The following EYS variants were observed in gnomAD, a reference collection of about 807,000 sequenced individuals.
EYS encodes the protein EGF-like photoreceptor maintenance factor.
Under a neutral mutation model 282.1 loss-of-function variants are expected in EYS, and 250 were observed. The observed-to-expected ratio is 0.89, with a 90% CI of 0.80 to 0.98. The LOEUF (loss-of-function observed/expected upper bound fraction) is 0.98. Ranked by LOEUF, EYS falls within the 50% of genes least tolerant of loss-of-function variation. EYS has a pLI of 0.00. For missense variants in EYS, 4,016 were observed against 3,709.0 expected, an observed-to-expected ratio of 1.08 and a Z score of -2.15; for synonymous variants, 1,355 against 1,282.9, an observed-to-expected ratio of 1.06 and a Z score of -1.20.
chr6:64,740,859 G>A (rs548521138), intron 22 of EYS, among the ~76,000 whole-genome samples: 31 of 151,996 alleles, frequency 2.0e-4, no homozygotes, highest in African/African-American at 5.5e-4. Context: ...GACTACAGGC[G>A]CCAGCCACCA....
At chr6:65,026,268 T>C (rs1772405395) in intron 13 of EYS, among the ~76,000 whole-genome samples, 1 of 152,234 alleles carries the variant, frequency 6.6e-6, no homozygotes, top group South Asian at 2.1e-4. Flanking sequence ...CTCTAAATAC[T>C]GTAGGCTGGA....
Position 64,998,120 on chromosome 6 carries a change from T to C in EYS, c.2138-417A>G, listed in dbSNP as rs145943399. Among the ~76,000 whole-genome samples, 363 of 152,358 alleles carry C rather than the reference T, an allele frequency of 2.4e-3. 9 individuals carry two copies. In the East Asian group the frequency reaches 0.062, roughly 26 times the overall value. ...TAACTGTTCAGTTGTTAAAGTTCTA[T>C]GTATGACAGAATATATTAAAGTGCA... On this transcript the variant is annotated intron_variant, in intron 13 of 42. Transcript: ENST00000503581.
At chr6:64,168,601 G>A (rs1764376737) in intron 31 of EYS, among the ~76,000 whole-genome samples, 1 of 152,094 alleles carries the variant, frequency 6.6e-6, no homozygotes, top group Non-Finnish European at 1.5e-5. Context: ...GCAATAAAAA[G>A]CAGTAAAAAA....
chr6:64,416,665 G>C (rs1038621021), intron 28 of EYS, among the ~76,000 whole-genome samples: 6 of 151,954 alleles, frequency 3.9e-5, no homozygotes, highest in Non-Finnish European at 8.8e-5. Context: ...CTAAGAAATT[G>C]GAGGTTTAAC....
chr6:64,893,702 T>C (rs992205273), intron 18 of EYS, among the ~76,000 whole-genome samples: 2 of 152,018 alleles, frequency 1.3e-5, no homozygotes, highest in African/African-American at 4.8e-5. Context: ...AATCAACACC[T>C]GTATGCCCAT....
At chr6:65,258,254 G>GA (rs1274515700) in intron 12 of EYS, among the ~76,000 whole-genome samples, 3 of 152,040 alleles carry the variant, frequency 2.0e-5, no homozygotes, top group Non-Finnish European at 4.4e-5. Context: ...AAAGTGGGGG[G>GA]AAAAATCCAC....
chr6:65,245,455 A>C (rs890722992), intron 12 of EYS, among the ~76,000 whole-genome samples: 1 of 152,200 alleles, frequency 6.6e-6, no homozygotes, highest in African/African-American at 2.4e-5. Flanking sequence ...ATTAAGTTAC[A>C]TGTAAGTCCC....
At chr6:64,169,417 C>T (rs1582375504) in intron 31 of EYS, among the ~76,000 whole-genome samples, 1 of 128,160 alleles carries the variant, frequency 7.8e-6, no homozygotes, top group African/African-American at 3.2e-5. Flanking sequence ...CATACTCAAA[C>T]AATTTGAGGA....
chr6:64,303,452 A>G (rs1769307210), intron 30 of EYS, among the ~76,000 whole-genome samples: 1 of 152,226 alleles, frequency 6.6e-6, no homozygotes, highest in South Asian at 2.1e-4. Context: ...CTGATGCAAA[A>G]TAACAGAAAA....
At chr6:65,669,169 G>T (rs1477386454) in intron 1 of EYS, among the ~76,000 whole-genome samples, 1 of 151,784 alleles carries the variant, frequency 6.6e-6, no homozygotes, top group East Asian at 1.9e-4. Context: ...TTTTAATTTT[G>T]ACCCACACAA....
At chr6:65,417,524 G>A (rs975068749) in intron 5 of EYS, among the ~76,000 whole-genome samples, 1 of 151,998 alleles carries the variant, frequency 6.6e-6, no homozygotes, top group African/African-American at 2.4e-5. Flanking sequence ...GTATGGATCT[G>A]CAATTTTTTT....
chr6:65,471,927 G>A (rs1765232063), intron 5 of EYS, among the ~76,000 whole-genome samples: 1 of 151,960 alleles, frequency 6.6e-6, no homozygotes, highest in South Asian at 2.1e-4. Context: ...ACCTAAATGG[G>A]AGAAGAAATT....
rs1561980315 is a variant in EYS at position 64,411,925 on chromosome 6, G to GTATATATGTTTATATATGAATGCATA, written c.5928-23086_5928-23085insTATGCATTCATATATAAACATATATA. 3.4e-5 allele frequency among the ~76,000 whole-genome samples: 4 copies of GTATATATGTTTATATATGAATGCATA among 117,388 alleles called. 1 individual carries two copies. Among genetic ancestry groups the GTATATATGTTTATATATGAATGCATA allele is most frequent in the East Asian group, 2.9e-4 (1 of 3,500 alleles). The allele number at this position is 117,388 out of a possible 152,430, so 77.0% of individuals were successfully genotyped here. ...TATATATGTTTATATATGCATGCAT[G>GTATATATGTTTATATATGAATGCATA]TATGTATATATGTTTATATATGCAT... On this transcript the variant is annotated intron_variant, in intron 28 of 42. Transcript: ENST00000503581.
chr6:63,879,381 C>T (rs1189197977), intron 35 of EYS, among the ~76,000 whole-genome samples: 1 of 152,004 alleles, frequency 6.6e-6, no homozygotes, highest in Non-Finnish European at 1.5e-5. Flanking sequence ...GATTACAATG[C>T]TGGTTGGTGG....
Position 64,531,832 on chromosome 6 carries a change from G to C in EYS, c.5644+58391C>G, listed in dbSNP as rs146258777. On this transcript the variant is annotated intron_variant, in intron 26 of 42. Coordinates refer to ENST00000503581, the MANE Select transcript of EYS (RefSeq NM_001142800.2). Reference sequence around the variant, plus strand: ...ACAATATCAAGGCACCCTTGCTATGGTGTAAGTCTACCCATTCGAAACTCT... The same window carrying C: ...ACAATATCAAGGCACCCTTGCTATGCTGTAAGTCTACCCATTCGAAACTCT... Among the ~76,000 whole-genome samples, 6 of 152,148 alleles carry C rather than the reference G, an allele frequency of 3.9e-5. 1 individual carries two copies. In the East Asian group the frequency reaches 1.2e-3, roughly 29 times the overall value.
At chr6:64,439,463 C>T in intron 26 of EYS, 111 bp from the exon 27 acceptor site, 1 of 637,498 alleles carries the variant, frequency 1.6e-6, no homozygotes, top group Admixed American at 4.2e-5. Flanking sequence ...CGTCTCTTTC[C>T]TGCCTCTTTC....
chr6:64,268,322 T>C (rs1422756291), intron 30 of EYS, among the ~76,000 whole-genome samples: 1 of 152,130 alleles, frequency 6.6e-6, no homozygotes, highest in East Asian at 1.9e-4. Flanking sequence ...AATAAGTGTA[T>C]ATATGAATAG....
At chr6:65,682,392 C>G (rs1016482060) in intron 1 of EYS, among the ~76,000 whole-genome samples, 6 of 151,880 alleles carry the variant, frequency 4.0e-5, no homozygotes, top group Non-Finnish European at 7.4e-5. Context: ...GAAACCTTAT[C>G]TGTATCTTCC....
intron 22 of EYS, among the ~76,000 whole-genome samples, chr6:64,787,817 C>T (rs1351367526): frequency 6.6e-6 from 1 of 151,004 alleles, no homozygotes; most frequent in African/African-American, 2.4e-5. Flanking sequence ...GGAGAATTTG[C>T]TTTCTGGGAA....
Sources: gnomAD v4.1 joint callset for allele counts (sites outside exome capture counted in the v4.1 genomes callset) on GRCh38, gnomAD v4.1.1 for gene constraint, MANE v1.5 for transcripts, NCBI Gene and HGNC (gene_info 2026-07-23, HGNC 2026-07-21) for gene names.